The following SLC25A13 variants were observed in gnomAD, a reference collection of about 807,000 sequenced individuals.
The protein encoded by SLC25A13 is solute carrier family 25 member 13.
A neutral mutation model predicts 85.5 loss-of-function variants in SLC25A13; 70 were observed. The ratio of observed to expected loss-of-function variants is 0.82; its 90% confidence interval spans 0.68 to 1.00. The LOEUF (loss-of-function observed/expected upper bound fraction) is 1.00, where lower values mean the gene tolerates loss of function less well. Ranked by LOEUF, SLC25A13 falls within the 50% of genes least tolerant of loss-of-function variation. The pLI is 0.00. For synonymous variants in SLC25A13, 259 were observed against 288.7 expected (o/e 0.90, Z 1.04); for missense variants, 765 against 819.8 (o/e 0.93, Z 0.82).
At chr7:96,316,528 G>A (rs574969352) in intron 1 of SLC25A13, among the ~76,000 whole-genome samples, 5 of 152,226 alleles carry the variant, frequency 3.3e-5, no homozygotes, top group South Asian at 2.1e-4. Flanking sequence ...GGAGAGCAGC[G>A]CAGAGGTTAA....
chr7:96,299,408 T>C (rs1799471984), intron 1 of SLC25A13, among the ~76,000 whole-genome samples: 1 of 152,248 alleles, frequency 6.6e-6, no homozygotes, highest in African/African-American at 2.4e-5. Flanking sequence ...AAGACTATTA[T>C]CTCGTTGGAT....
At chr7:96,188,492 C>A (rs889569563) in intron 9 of SLC25A13, among the ~76,000 whole-genome samples, 1 of 152,264 alleles carries the variant, frequency 6.6e-6, no homozygotes, top group South Asian at 2.1e-4. Context: ...CCAGAAACTG[C>A]GAAGTCTCAC....
chr7:96,314,256 C>G (rs1005683655), intron 1 of SLC25A13, among the ~76,000 whole-genome samples: 1 of 151,582 alleles, frequency 6.6e-6, no homozygotes, highest in African/African-American at 2.4e-5. Context: ...AAGCAGATGG[C>G]GAGAAAGAAA....
chr7:96,266,312 C>T (rs900621975), intron 3 of SLC25A13, among the ~76,000 whole-genome samples: 1 of 152,202 alleles, frequency 6.6e-6, no homozygotes, highest in Non-Finnish European at 1.5e-5. Flanking sequence ...AAGAGGCCAA[C>T]CTCCTAGACA....
At chr7:96,203,822 A>G (rs73710224) in intron 5 of SLC25A13, among the ~76,000 whole-genome samples, 1 of 152,192 alleles carries the variant, frequency 6.6e-6, no homozygotes, top group Non-Finnish European at 1.5e-5. Context: ...TGATGATCGC[A>G]TCTGGCAATT....
intron 11 of SLC25A13, among the ~76,000 whole-genome samples, chr7:96,172,069 G>A (rs1794026070): frequency 6.6e-6 from 1 of 151,982 alleles, no homozygotes; most frequent in Non-Finnish European, 1.5e-5. Flanking sequence ...ATTCTTCATT[G>A]GAAGTACAAT....
intron 15 of SLC25A13, among the ~76,000 whole-genome samples, chr7:96,130,339 G>T (rs1016844864): frequency 6.6e-6 from 1 of 152,126 alleles, no homozygotes; most frequent in African/African-American, 2.4e-5. Flanking sequence ...GATTCTTTTG[G>T]ATTCAATGTA....
chr7:96,267,498 T>A (rs1415899991), intron 3 of SLC25A13, among the ~76,000 whole-genome samples: 1 of 152,138 alleles, frequency 6.6e-6, no homozygotes, highest in East Asian at 1.9e-4. Flanking sequence ...CAGGACTCAA[T>A]CTCTTTACTC....
Position 96,120,977 on chromosome 7 carries a change from G to C in SLC25A13, c.*214C>G. On this transcript the variant is annotated 3_prime_UTR_variant, in exon 18 of 18. Coordinates refer to ENST00000265631, the MANE Select transcript of SLC25A13 (RefSeq NM_014251.3). ...TTTTCAGATGCAAACAAAGGTTTCT[G>C]GGCAGAGGGCCAAATAATAATTATG... 1.5e-6 allele frequency: 1 copy of C among 685,300 alleles called. No homozygotes were observed. The highest frequency in any genetic ancestry group is 2.6e-6 in the Non-Finnish European group (1 of 382,962). 42.5% of individuals were successfully genotyped at this position (685,300 alleles called of 1,614,324 possible).
chr7:96,128,939 G>GCGCTCT (rs1791869242), intron 15 of SLC25A13, among the ~76,000 whole-genome samples: 2 of 81,902 alleles, frequency 2.4e-5, no homozygotes, highest in East Asian at 3.8e-4. Context: ...TGCCTTGCTT[G>GCGCTCT]CTCTCTCTCT....
intron 15 of SLC25A13, 37 bp from the exon 16 acceptor site, chr7:96,122,034 C>T: frequency 6.2e-7 from 1 of 1,613,094 alleles, no homozygotes. Flanking sequence ...AGTCTGGTCA[C>T]ATTCTCACTA....
intron 3 of SLC25A13, among the ~76,000 whole-genome samples, chr7:96,262,875 C>A (rs989827601): frequency 6.6e-5 from 10 of 152,036 alleles, no homozygotes; most frequent in Non-Finnish European, 1.3e-4. Flanking sequence ...TCTCCACCTC[C>A]CTTTATAATA....
intron 3 of SLC25A13, among the ~76,000 whole-genome samples, chr7:96,262,736 T>C (rs928772625): frequency 6.6e-5 from 10 of 152,176 alleles, no homozygotes; most frequent in Non-Finnish European, 1.3e-4. Context: ...ATTTTAAATA[T>C]TCTTCTCTAT....
intron 5 of SLC25A13, among the ~76,000 whole-genome samples, chr7:96,202,176 C>G (rs1795281576): frequency 6.6e-6 from 1 of 152,134 alleles, no homozygotes; most frequent in South Asian, 2.1e-4. Context: ...TGGCATCCAA[C>G]CAGGTTATCA....
chr7:96,194,271 CAA>C (rs150127746), intron 5 of SLC25A13, among the ~76,000 whole-genome samples: 117,707 of 123,958 alleles, frequency 0.95, 56,095 homozygotes, highest in East Asian at 0.99. Context: ...CCCATCTCTA[CAA>C]AAAAAAAAAA....
Position 96,121,188 on chromosome 7 carries a change from T to C in SLC25A13, c.*3A>G. 6.2e-7 allele frequency: 1 copy of C among 1,614,166 alleles called. No homozygotes were observed. The highest frequency in any genetic ancestry group is 8.5e-7 in the Non-Finnish European group (1 of 1,179,984). On this transcript the variant is annotated 3_prime_UTR_variant, in exon 18 of 18. Coordinates refer to ENST00000265631, the MANE Select transcript of SLC25A13 (RefSeq NM_014251.3). Reference sequence around the variant, plus strand: ...AGACAGCACTATCCCAGGGCTGATCTTCCTATGGGCCTCCACCAATAGCCT... The same window carrying C: ...AGACAGCACTATCCCAGGGCTGATCCTCCTATGGGCCTCCACCAATAGCCT...
chr7:96,145,144 T>C (rs1792728636), intron 14 of SLC25A13, among the ~76,000 whole-genome samples: 1 of 152,222 alleles, frequency 6.6e-6, no homozygotes, highest in South Asian at 2.1e-4. Flanking sequence ...CATTTTAAGT[T>C]CTACTTAAAA....
At position 96,148,952 on chromosome 7, in the gene SLC25A13, G is replaced by A. The variant is rs141096843; in HGVS notation, c.1312-2256C>T. ...CAAGACAGAGCCTTTACTCCAGTTGGTTTCTTTCCCTTTTTCTCCTACGCT... is the reference window on the plus strand; with the variant it reads ...CAAGACAGAGCCTTTACTCCAGTTGATTTCTTTCCCTTTTTCTCCTACGCT... On this transcript the variant is annotated intron_variant, in intron 13 of 17. Transcript: ENST00000265631. Among the ~76,000 whole-genome samples, 25 of 152,294 alleles carry A rather than the reference G, an allele frequency of 1.6e-4. 2 individuals are homozygous for A. In the East Asian group the frequency reaches 4.6e-3, roughly 28 times the overall value.
chr7:96,241,104 A>AAGAAAGGC lies in SLC25A13; in HGVS notation c.213-6188_213-6187insGCCTTTCT, dbSNP rs1222929673. On this transcript the variant is annotated intron_variant, in intron 3 of 17. Transcript: ENST00000265631. Reference sequence around the variant, plus strand: ...AAAGAAAGAAAGAAAGAAAGAAAGAAAGGCACTTTATACCAAGGGCTGGGA... The same window carrying AAGAAAGGC: ...AAAGAAAGAAAGAAAGAAAGAAAGAAAGAAAGGCAGGCACTTTATACCAAGGGCTGGGA... Among the ~76,000 whole-genome samples, 75 of 145,514 alleles carry AAGAAAGGC rather than the reference A, an allele frequency of 5.2e-4. 1 individual carries two copies. Among genetic ancestry groups the AAGAAAGGC allele is most frequent in the African/African-American group, 1.8e-3 (69 of 39,154 alleles).
Sources: allele counts gnomAD v4.1 joint callset (sites outside exome capture counted in the v4.1 genomes callset), GRCh38; gene constraint gnomAD v4.1.1; transcripts MANE v1.5; gene names NCBI Gene and HGNC (gene_info 2026-07-23, HGNC 2026-07-21).